RNU11: variants seen among roughly 807,000 people sequenced by gnomAD.
RNU11 encodes RNA, U11 small nuclear.
chr1:28,648,658 A>C (rs1401626536), exon 1 of RNU11: 1 of 154,410 alleles, frequency 6.5e-6, no homozygotes, highest in African/African-American at 2.4e-5. Flanking sequence ...CTGCGTGCGG[A>C]ATCGACATCA....
At chr1:28,648,624 C>T (rs138040272) in exon 1 of RNU11, 100 of 158,524 alleles carry the variant, frequency 6.3e-4, no homozygotes, top group African/African-American at 1.1e-3. Flanking sequence ...TCGTGAGTGG[C>T]ACACGTAGGG....
At chr1:28,648,652 G>C (rs753591970) in exon 1 of RNU11, 3 of 154,670 alleles carry the variant, frequency 1.9e-5, no homozygotes, top group Non-Finnish European at 2.9e-5. Flanking sequence ...ATTGCTCTGC[G>C]TGCGGAATCG....
exon 1 of RNU11, chr1:28,648,732 T>A (rs919210135): frequency 1.3e-5 from 2 of 153,694 alleles, no homozygotes; most frequent in Non-Finnish European, 2.9e-5. Flanking sequence ...CCCGGCGCCC[T>A]TTCTTTACTG....
chr1:28,648,706 GCTGGTGATCGTTGGT>G, exon 1 of RNU11: 1 of 153,900 alleles, frequency 6.5e-6, no homozygotes, highest in African/African-American at 2.4e-5. Context: ...TATTTGGGCA[GCTGGTGATCGTTGGT>G]CCCGGCGCCC....
chr1:28,648,666 T>G (rs369956688), exon 1 of RNU11: 2 of 154,234 alleles, frequency 1.3e-5, no homozygotes, highest in African/African-American at 2.4e-5. Flanking sequence ...GGAATCGACA[T>G]CAAGAGATTT....
exon 1 of RNU11, chr1:28,648,654 G>T (rs542739863): frequency 6.5e-6 from 1 of 154,664 alleles, no homozygotes; most frequent in Non-Finnish European, 1.5e-5. Flanking sequence ...TGCTCTGCGT[G>T]CGGAATCGAC....
chr1:28,648,612 T>G (rs1378513704), exon 1 of RNU11: 1 of 164,606 alleles, frequency 6.1e-6, no homozygotes, highest in Non-Finnish European at 1.3e-5. Context: ...AAAGGGCTTC[T>G]GTCGTGAGTG....
At chr1:28,648,667 CAAGAGATTTCGGAAGCATAAT>C (rs577127603) in exon 1 of RNU11, 3 of 154,336 alleles carry the variant, frequency 1.9e-5, no homozygotes, top group African/African-American at 7.2e-5. Context: ...GAATCGACAT[CAAGAGATTTCGGAAGCATAAT>C]TTTTTGGTAT....
In RNU11 at chr1:28,648,628, C is replaced by T. The variant is rs112431178; in HGVS notation, n.29C>T. On this transcript the variant is annotated non_coding_transcript_exon_variant, in exon 1 of 1. Transcript: ENST00000387069. ...AAGGGCTTCTGTCGTGAGTGGCACA[C>T]GTAGGGCAACTCGATTGCTCTGCGT... The T allele has an allele frequency of 3.7e-3, 583 of 157,040 alleles. 3 individuals are homozygous for T. Among genetic ancestry groups the T allele is most frequent in the East Asian group, 0.014 (73 of 5,190 alleles). 9.7% of individuals were successfully genotyped at this position (157,040 alleles called of 1,614,324 possible). A position where few individuals can be genotyped will look rare whatever the true frequency, so the allele number is the denominator to read the frequency against.
At chr1:28,648,720 G>C (rs368792338) in exon 1 of RNU11, 3 of 153,580 alleles carry the variant, frequency 2.0e-5, no homozygotes, top group Non-Finnish European at 4.4e-5. Context: ...GTGATCGTTG[G>C]TCCCGGCGCC....
At chr1:28,648,676 T>C (rs1257902217) in exon 1 of RNU11, 1 of 154,044 alleles carries the variant, frequency 6.5e-6, no homozygotes, top group African/African-American at 2.4e-5. Flanking sequence ...TCAAGAGATT[T>C]CGGAAGCATA....
At chr1:28,648,636 A>C (rs1023430341) in exon 1 of RNU11, 2 of 155,994 alleles carry the variant, frequency 1.3e-5, no homozygotes, top group Non-Finnish European at 2.9e-5. Flanking sequence ...CACGTAGGGC[A>C]ACTCGATTGC....
At chr1:28,648,685 T>A (rs573606877) in exon 1 of RNU11, 2 of 154,018 alleles carry the variant, frequency 1.3e-5, no homozygotes, top group Admixed American at 6.6e-5. Context: ...TTCGGAAGCA[T>A]AATTTTTTGG....
exon 1 of RNU11, chr1:28,648,646 C>T (rs374306288): frequency 5.2e-4 from 80 of 155,200 alleles, no homozygotes; most frequent in South Asian, 1.6e-3. Context: ...AACTCGATTG[C>T]TCTGCGTGCG....
At chr1:28,648,678 G>T (rs369528160) in exon 1 of RNU11, 2 of 154,056 alleles carry the variant, frequency 1.3e-5, no homozygotes, top group African/African-American at 4.8e-5. Flanking sequence ...AAGAGATTTC[G>T]GAAGCATAAT....
At chr1:28,648,702 G>T (rs949385754) in exon 1 of RNU11, 2 of 153,762 alleles carry the variant, frequency 1.3e-5, no homozygotes, top group Admixed American at 1.3e-4. Flanking sequence ...TTGGTATTTG[G>T]GCAGCTGGTG....
exon 1 of RNU11, chr1:28,648,611 C>T (rs369236636): frequency 1.9e-4 from 31 of 166,772 alleles, no homozygotes; most frequent in Admixed American, 2.6e-4. Flanking sequence ...AAAAGGGCTT[C>T]TGTCGTGAGT....
At chr1:28,648,635 C>A (rs141438056) in exon 1 of RNU11, 1 of 156,088 alleles carries the variant, frequency 6.4e-6, no homozygotes, top group African/African-American at 2.4e-5. Context: ...ACACGTAGGG[C>A]AACTCGATTG....
chr1:28,648,617 T>G (rs761763794), exon 1 of RNU11: 6 of 161,062 alleles, frequency 3.7e-5, no homozygotes, highest in East Asian at 1.9e-4. Context: ...GCTTCTGTCG[T>G]GAGTGGCACA....
Sources: gnomAD v4.1 joint callset for allele counts on GRCh38, gnomAD v4.1.1 for gene constraint, MANE v1.5 for transcripts, NCBI Gene and HGNC (gene_info 2026-07-23, HGNC 2026-07-21) for gene names.